LARP7: variants seen among roughly 807,000 people sequenced by gnomAD.
LARP7 encodes la-related protein 7.
In LARP7, 52 loss-of-function variants were observed where a neutral mutation model predicts 69.3. The ratio of observed to expected loss-of-function variants is 0.75; its 90% CI spans 0.60 to 0.95. The LOEUF is 0.95. LARP7 is among the 40% of genes least tolerant of loss of function. The pLI is 0.00. For synonymous variants in LARP7, 254 were observed against 215.9 expected, an observed-to-expected ratio of 1.18 and a Z score of -1.55; for missense variants, 733 against 673.0, an observed-to-expected ratio of 1.09 and a Z score of -0.99.
At chr4:112,649,728 A>ATAATG in intron 9 of LARP7, 42 bp downstream of exon 9, 2 of 1,297,620 alleles carry the variant, frequency 1.5e-6, no homozygotes, top group Non-Finnish European at 2.1e-6. Context: ...TAATGTACTT[A>ATAATG]TATATGTAAA....
chr4:112,649,028 G>A (rs928268046), intron 8 of LARP7, among the ~76,000 whole-genome samples: 2 of 151,876 alleles, frequency 1.3e-5, no homozygotes, highest in African/African-American at 4.8e-5. Context: ...AAGGCATTGT[G>A]TTTCTATCTG....
intron 10 of LARP7, 115 bp downstream of exon 10, chr4:112,650,697 T>TA: frequency 4.4e-6 from 5 of 1,124,838 alleles, no homozygotes; most frequent in Non-Finnish European, 6.2e-6. Context: ...TGTTTCCCTA[T>TA]GGTAAACTAC....
chr4:112,650,372 C>T, intron 9 of LARP7, 89 bp from the exon 10 acceptor site: 1 of 1,253,932 alleles, frequency 8.0e-7, no homozygotes, highest in Non-Finnish European at 1.1e-6. Flanking sequence ...AAATCTGCCT[C>T]AGGAATTATT....
In LARP7 at chr4:112,637,155, GA is replaced by G. The variant is rs1389196315; in HGVS notation, c.-84del. 1.5e-4 allele frequency: 23 copies of G among 152,290 alleles called. No individual in the cohort carries two copies. Among genetic ancestry groups the G allele is most frequent in the Admixed American group, 1.2e-3 (18 of 15,294 alleles). 9.4% of individuals were successfully genotyped at this position (152,290 alleles called of 1,614,324 possible). ...AACGTTGTCGCTCATCCTATGACGC[GA>G]AAGTAACCGAGACTATCAGGATCCG... is the stretch of plus-strand genomic sequence containing the variant. On this transcript the variant is annotated 5_prime_UTR_variant, in exon 1 of 13. An upstream open reading frame in the 5' UTR loses its in-frame stop. Transcript: ENST00000344442.
rs747753883 is a variant in LARP7 at position 112,646,970 on chromosome 4, TAA to T, written c.552+27_552+28del. ...AAGCAATTGAGGTAAGTCCAGATCC[TAA>T]AAAAAAAAAAAGAAAGAAAAGAAAA... On this transcript the variant is annotated intron_variant, in intron 5 of 12. Coordinates refer to ENST00000344442, the MANE Select transcript of LARP7 (RefSeq NM_016648.4). 1.6e-3 allele frequency: 2,200 copies of T among 1,364,090 alleles called. 2 individuals carry two copies. The highest frequency in any genetic ancestry group is 7.3e-3 in the South Asian group (549 of 75,064). 84.5% of individuals were successfully genotyped at this position (1,364,090 alleles called of 1,614,324 possible).
intron 10 of LARP7, among the ~76,000 whole-genome samples, chr4:112,652,010 T>A (rs2048763994): frequency 1.3e-5 from 2 of 151,812 alleles, no homozygotes; most frequent in African/African-American, 4.8e-5. Flanking sequence ...TTTTTTTTTT[T>A]AATTTGGCAA....
chr4:112,653,267 T>G (rs1299032406), intron 11 of LARP7, 31 bp downstream of exon 11: 1 of 1,537,866 alleles, frequency 6.5e-7, no homozygotes, highest in Admixed American at 2.2e-5. Context: ...CCTTTTTTTT[T>G]TGTTATCATC....
chr4:112,646,084 A>T (rs542522536), intron 2 of LARP7, among the ~76,000 whole-genome samples: 131 of 152,022 alleles, frequency 8.6e-4, no homozygotes, highest in Middle Eastern at 3.4e-3. Flanking sequence ...GGTTCAAGCG[A>T]TTCTCCTACC....
intron 12 of LARP7, among the ~76,000 whole-genome samples, chr4:112,656,662 G>T (rs2048968679): frequency 6.6e-6 from 1 of 152,138 alleles, no homozygotes; most frequent in African/African-American, 2.4e-5. Flanking sequence ...ATACTCAGCA[G>T]GTAAAGGCAG....
At chr4:112,645,852 C>T (rs1025653586) in intron 2 of LARP7, among the ~76,000 whole-genome samples, 1 of 151,962 alleles carries the variant, frequency 6.6e-6, no homozygotes, top group African/African-American at 2.4e-5. Context: ...GTGCTTGTTT[C>T]TAATAGGATG....
At chr4:112,648,157 T>A (rs557059739) in intron 8 of LARP7, 1 of 519,660 alleles carries the variant, frequency 1.9e-6, no homozygotes. Context: ...TCTAAAAAAA[T>A]AATAAAAATG....
At chr4:112,638,559 G>C (rs1288016782) in intron 1 of LARP7, among the ~76,000 whole-genome samples, 1 of 152,114 alleles carries the variant, frequency 6.6e-6, no homozygotes, top group Admixed American at 6.6e-5. Context: ...CTGTGTACCT[G>C]CTTTTTAAAT....
At chr4:112,650,706 A>G (rs751165605) in intron 10 of LARP7, 124 bp downstream of exon 10, 46 of 1,024,134 alleles carry the variant, frequency 4.5e-5, no homozygotes, top group Non-Finnish European at 6.4e-5. Context: ...ATGGTAAACT[A>G]CTGTACAGTT....
At chr4:112,646,262 G>GC (rs1578579141) in intron 2 of LARP7, 89 bp from the exon 3 acceptor site, 1 of 638,726 alleles carries the variant, frequency 1.6e-6, no homozygotes, top group Non-Finnish European at 2.7e-6. Context: ...GAGCCACCGA[G>GC]CCTGAGGGCC....
At position 112,647,317 on chromosome 4, in the gene LARP7, A is replaced by G. The variant is rs780993494; in HGVS notation, c.765A>G (p.Arg255=). 40 of 1,613,960 alleles carry G rather than the reference A, an allele frequency of 2.5e-5. No homozygotes were observed. The Admixed American group carries it at 6.7e-4, about 27-fold the overall frequency. ...GCATCAGTAAAATGAAAAGATCCAG[A>G]CCCACATCTGAGGGCTCTGACATTG... ...NTSISKMKRS[R]PTSEGSDIES... Residue 255 remains arginine, a synonymous_variant, in exon 7 of 13, where the codon AGA becomes AGG. Transcript: ENST00000344442.
intron 8 of LARP7, 151 bp downstream of exon 8, chr4:112,647,985 G>T: frequency 1.4e-6 from 1 of 724,412 alleles, no homozygotes; most frequent in Non-Finnish European, 2.6e-6. Context: ...TAACGCAATT[G>T]CTGATTAGGT....
chr4:112,637,484 C>A (rs78940827), intron 1 of LARP7: 10,776 of 152,398 alleles, frequency 0.071, 520 homozygotes, highest in Non-Finnish European at 0.099. Context: ...GTTTGGGGCG[C>A]GCCCGGCCTA....
chr4:112,647,194 T>TAC lies in LARP7; in HGVS notation c.647-3_647-2dup, dbSNP rs2048334191. 6.3e-7 allele frequency: 1 copy of TAC among 1,590,894 alleles called. No homozygotes were observed. The highest frequency in any genetic ancestry group is 8.5e-7 in the Non-Finnish European group (1 of 1,174,270). On this transcript the variant is annotated splice_polypyrimidine_tract_variant and splice_region_variant and intron_variant, in intron 6 of 12. Transcript: ENST00000344442. Reference sequence around the variant, plus strand: ...GATGAACTAATAATGATGGCACTTTTACAGAAGAGAAGAAAAAGAAAAAGA... The same window carrying TAC: ...GATGAACTAATAATGATGGCACTTTTACACAGAAGAGAAGAAAAAGAAAAAGA...
intron 1 of LARP7, among the ~76,000 whole-genome samples, chr4:112,640,508 C>T (rs1318755147): frequency 6.6e-6 from 1 of 151,876 alleles, no homozygotes; most frequent in Non-Finnish European, 1.5e-5. Flanking sequence ...TTGAGACCAG[C>T]CTGGCCAAAA....
Sources: gnomAD v4.1 joint callset for allele counts (sites outside exome capture counted in the v4.1 genomes callset) on GRCh38, gnomAD v4.1.1 for gene constraint, MANE v1.5 for transcripts, NCBI Gene and HGNC (gene_info 2026-07-23, HGNC 2026-07-21) for gene names.